Variants in TANK observed in about 807,000 individuals in gnomAD.
The protein encoded by TANK is TRAF family member associated NFKB activator, also known as TRAF family member-associated NF-kappa-B activator.
TANK carries 15 observed loss-of-function variants against 43.6 expected under a neutral mutation model. The observed-to-expected ratio is 0.34, with a 90% CI of 0.23 to 0.53. The LOEUF is 0.53. Ranked by LOEUF, TANK falls within the 20% of genes least tolerant of loss-of-function variation. The pLI, the probability that TANK is intolerant of heterozygous loss-of-function variation, is 0.94. For missense variants in TANK, 417 were observed against 498.6 expected (o/e 0.84, Z 1.56); for synonymous variants, 162 against 178.2 (o/e 0.91, Z 0.73).
In TANK at chr2:161,229,022, G is replaced by A. The variant is rs538435033; in HGVS notation, c.521-1949G>A. Among the ~76,000 whole-genome samples the A allele has an allele frequency of 3.3e-5, 5 of 152,290 alleles. No homozygotes were observed. The East Asian group carries it at 5.8e-4, about 18-fold the overall frequency. On this transcript the variant is annotated intron_variant, in intron 6 of 7. Transcript: ENST00000392749. ...AAGACTGCATTTCTCAAAATGTTCC[G>A]TCGTTAAGTGACACATAACTATATA...
intron 4 of TANK, among the ~76,000 whole-genome samples, chr2:161,215,659 A>T (rs933471991): frequency 1.3e-5 from 2 of 152,132 alleles, no homozygotes; most frequent in African/African-American, 4.8e-5. Flanking sequence ...TAAGTACAGG[A>T]TCTTCAGCTA....
intron 1 of TANK, among the ~76,000 whole-genome samples, chr2:161,142,462 G>A (rs1433723877): frequency 2.6e-5 from 4 of 152,042 alleles, no homozygotes; most frequent in Admixed American, 6.6e-5. Flanking sequence ...TAGGTCTTAT[G>A]TTTAAGTCTT....
At chr2:161,147,599 G>A (rs527324467) in intron 1 of TANK, among the ~76,000 whole-genome samples, 3 of 152,278 alleles carry the variant, frequency 2.0e-5, no homozygotes, top group Non-Finnish European at 2.9e-5. Flanking sequence ...GTGGGCCACC[G>A]CACCATAATG....
At chr2:161,220,052 C>T (rs1334589659) in intron 4 of TANK, among the ~76,000 whole-genome samples, 1 of 152,152 alleles carries the variant, frequency 6.6e-6, no homozygotes, top group Non-Finnish European at 1.5e-5. Flanking sequence ...TCTATTTAGC[C>T]TCATCCCGAA....
At chr2:161,214,236 G>A (rs1442859317) in intron 4 of TANK, among the ~76,000 whole-genome samples, 3 of 152,114 alleles carry the variant, frequency 2.0e-5, no homozygotes, top group East Asian at 3.8e-4. Flanking sequence ...TTGAGAAAAT[G>A]TCTGAATAAC....
chr2:161,190,963 T>C (rs997023746), intron 2 of TANK, among the ~76,000 whole-genome samples: 8 of 152,214 alleles, frequency 5.3e-5, no homozygotes, highest in Non-Finnish European at 8.8e-5. Flanking sequence ...AAAAAAAGAA[T>C]TGGTCTAGCC....
chr2:161,169,572 G>C (rs1684851853), intron 1 of TANK, among the ~76,000 whole-genome samples: 1 of 152,082 alleles, frequency 6.6e-6, no homozygotes, highest in Non-Finnish European at 1.5e-5. Context: ...TGTTATTTAG[G>C]GATACAGAGA....
intron 1 of TANK, among the ~76,000 whole-genome samples, chr2:161,178,368 C>T (rs1685260982): frequency 6.6e-6 from 1 of 151,838 alleles, no homozygotes; most frequent in Non-Finnish European, 1.5e-5. Context: ...ATGGATGAAC[C>T]TCAGAAATAT....
At chr2:161,166,745 C>T (rs899887935) in intron 1 of TANK, among the ~76,000 whole-genome samples, 11 of 151,764 alleles carry the variant, frequency 7.2e-5, no homozygotes, top group African/African-American at 1.7e-4. Flanking sequence ...ATGATTGCAC[C>T]GCCACACTTG....
intron 2 of TANK, among the ~76,000 whole-genome samples, chr2:161,191,135 T>C (rs913149842): frequency 1.3e-5 from 2 of 152,222 alleles, no homozygotes; most frequent in Middle Eastern, 3.2e-3. Flanking sequence ...AAGTTTTTCT[T>C]TGAGAAGTCA....
intron 6 of TANK, among the ~76,000 whole-genome samples, chr2:161,228,559 C>T (rs1018013764): frequency 6.6e-6 from 1 of 152,156 alleles, no homozygotes; most frequent in Non-Finnish European, 1.5e-5. Context: ...TTAATATCAC[C>T]CTAGTGACAT....
chr2:161,208,572 G>A (rs1357756765), intron 4 of TANK, among the ~76,000 whole-genome samples: 1 of 152,112 alleles, frequency 6.6e-6, no homozygotes, highest in Non-Finnish European at 1.5e-5. Flanking sequence ...GTTTCTATGG[G>A]TCAGAAATTC....
At chr2:161,160,830 GTGGACCC>G (rs899175262) in intron 1 of TANK, 4 of 532,908 alleles carry the variant, frequency 7.5e-6, no homozygotes, top group African/African-American at 1.9e-5. Context: ...GAGGTGAGCA[GTGGACCC>G]TCCAGGAACA....
At chr2:161,221,301 C>T (rs1687328182) in intron 4 of TANK, among the ~76,000 whole-genome samples, 1 of 152,034 alleles carries the variant, frequency 6.6e-6, no homozygotes, top group South Asian at 2.1e-4. Context: ...CTTAAAATCT[C>T]CTAAAATATA....
At chr2:161,161,215 A>T in intron 1 of TANK, 1 of 1,528,972 alleles carries the variant, frequency 6.5e-7, no homozygotes, top group South Asian at 1.2e-5. Context: ...CTGTGCCTTT[A>T]TTGTTATGCT....
chr2:161,160,772 TC>T (rs757354360), intron 1 of TANK: 2 of 561,350 alleles, frequency 3.6e-6, no homozygotes, highest in Non-Finnish European at 7.0e-6. Context: ...GAGGGACTCG[TC>T]CCGGCTGCTT....
intron 1 of TANK, among the ~76,000 whole-genome samples, chr2:161,140,814 T>G (rs896694897): frequency 3.3e-5 from 4 of 120,384 alleles, no homozygotes; most frequent in Admixed American, 1.5e-4. Flanking sequence ...ATAGTAAGGG[T>G]TTTTTTTTAA....
chr2:161,192,435 T>G (rs545900620), intron 2 of TANK, among the ~76,000 whole-genome samples: 3 of 152,356 alleles, frequency 2.0e-5, no homozygotes, highest in African/African-American at 7.2e-5. Flanking sequence ...CGAAGTATAT[T>G]TATTTTACCT....
At chr2:161,151,282 G>A (rs975133773) in intron 1 of TANK, among the ~76,000 whole-genome samples, 3 of 152,038 alleles carry the variant, frequency 2.0e-5, no homozygotes, top group African/African-American at 7.2e-5. Context: ...ATGTCTGCTA[G>A]GTCTAGTTGG....
Sources: allele counts gnomAD v4.1 joint callset (sites outside exome capture counted in the v4.1 genomes callset), GRCh38; gene constraint gnomAD v4.1.1; transcripts MANE v1.5; gene names NCBI Gene and HGNC (gene_info 2026-07-23, HGNC 2026-07-21).